Variants in SPTSSA observed in about 807,000 individuals in gnomAD.
The protein encoded by SPTSSA is small subunit of serine palmitoyltransferase A.
In SPTSSA, 8 loss-of-function variants were observed where a neutral mutation model predicts 9.1. The ratio of observed to expected loss-of-function variants is 0.88; its 90% confidence interval spans 0.51 to 1.58. The LOEUF is 1.58. Ranked by LOEUF, SPTSSA falls within the 40% of genes most tolerant of loss-of-function variation. The pLI is 0.00. For missense variants in SPTSSA, 100 were observed against 93.8 expected (o/e 1.07, Z -0.27); for synonymous variants, 42 against 37.7 (o/e 1.11, Z -0.41).
chr14:34,442,876 C>T (rs933515354), intron 1 of SPTSSA, among the ~76,000 whole-genome samples: 1 of 152,042 alleles, frequency 6.6e-6, no homozygotes, highest in African/African-American at 2.4e-5. Flanking sequence ...GTAAAACCGC[C>T]AAGCTTGTAT....
intron 1 of SPTSSA, among the ~76,000 whole-genome samples, chr14:34,447,591 G>A (rs1321216724): frequency 1.3e-5 from 2 of 152,040 alleles, no homozygotes; most frequent in Non-Finnish European, 2.9e-5. Context: ...CCTAAGTTTT[G>A]CTCATACTCT....
chr14:34,453,764 G>T (rs184372429), intron 1 of SPTSSA, among the ~76,000 whole-genome samples: 195 of 152,024 alleles, frequency 1.3e-3, no homozygotes, highest in Middle Eastern at 3.4e-3. Flanking sequence ...CATAACTATT[G>T]ATCATAACTA....
intron 1 of SPTSSA, among the ~76,000 whole-genome samples, chr14:34,448,037 T>G (rs1279792232): frequency 2.0e-5 from 3 of 152,074 alleles, no homozygotes; most frequent in Middle Eastern, 3.4e-3. Flanking sequence ...GGCAGATCAC[T>G]TGAGGTCAGG....
Position 34,455,023 on chromosome 14 carries a change from G to A in SPTSSA, c.112+7073C>T, listed in dbSNP as rs529522675. On this transcript the variant is annotated intron_variant, in intron 1 of 1. Coordinates refer to ENST00000298130, the MANE Select transcript of SPTSSA (RefSeq NM_138288.4). ...AATTGCTTGAACCCAGGAGGCGGAG[G>A]CTACAGTGACCCAAGATTGCGCCAC... Among the ~76,000 whole-genome samples, 8 of 151,636 alleles carry A rather than the reference G, an allele frequency of 5.3e-5. No individual in the cohort carries two copies. In the East Asian group the frequency reaches 1.4e-3, roughly 26 times the overall value.
At chr14:34,438,409 T>C (rs1359583805) in intron 1 of SPTSSA, among the ~76,000 whole-genome samples, 1 of 152,176 alleles carries the variant, frequency 6.6e-6, no homozygotes, top group Admixed American at 6.5e-5. Flanking sequence ...CTCAAAAGTT[T>C]TGGATTTTCG....
At chr14:34,446,836 G>C (rs1347743229) in intron 1 of SPTSSA, among the ~76,000 whole-genome samples, 1 of 152,166 alleles carries the variant, frequency 6.6e-6, no homozygotes, top group African/African-American at 2.4e-5. Flanking sequence ...TGGCTAAACA[G>C]ACATGTATCT....
intron 1 of SPTSSA, among the ~76,000 whole-genome samples, chr14:34,435,909 C>T (rs922791573): frequency 5.9e-5 from 9 of 152,030 alleles, no homozygotes; most frequent in Non-Finnish European, 1.2e-4. Flanking sequence ...GGATTACAGG[C>T]GTGAGCCACT....
chr14:34,458,475 C>T (rs965325668), intron 1 of SPTSSA, among the ~76,000 whole-genome samples: 1 of 151,010 alleles, frequency 6.6e-6, no homozygotes, highest in African/African-American at 2.4e-5. Flanking sequence ...TGAGCTACCG[C>T]GCCAGGCCTA....
intron 1 of SPTSSA, among the ~76,000 whole-genome samples, chr14:34,445,000 G>C (rs934067551): frequency 6.6e-6 from 1 of 151,846 alleles, no homozygotes; most frequent in Non-Finnish European, 1.5e-5. Context: ...GCTGAGGCAT[G>C]AGAATCACTC....
At chr14:34,452,441 A>G (rs79737735) in intron 1 of SPTSSA, among the ~76,000 whole-genome samples, 1,852 of 152,280 alleles carry the variant, frequency 0.012, 39 homozygotes, top group African/African-American at 0.042. Context: ...ACCATCAGAA[A>G]TTAGTGTTTA....
intron 1 of SPTSSA, among the ~76,000 whole-genome samples, chr14:34,460,260 G>A (rs1230924738): frequency 2.0e-5 from 3 of 152,020 alleles, no homozygotes; most frequent in Admixed American, 6.5e-5. Flanking sequence ...ATTCAATAAC[G>A]TGAAATTTGA....
At position 34,435,146 on chromosome 14, in the gene SPTSSA, C is replaced by T; in HGVS notation, c.*55G>A. The T allele has an allele frequency of 1.4e-6, 2 of 1,442,420 alleles. No homozygotes were observed. The highest frequency in any genetic ancestry group is 1.2e-5 in the South Asian group (1 of 83,908). The allele number at this position is 1,442,420 out of a possible 1,614,324, so 89.4% of individuals were successfully genotyped here. On this transcript the variant is annotated 3_prime_UTR_variant, in exon 2 of 2. Coordinates refer to ENST00000298130, the MANE Select transcript of SPTSSA (RefSeq NM_138288.4). ...CTTATCACATCTGATGGTCTCATTC[C>T]AACTTCGTAGGGTGGGTCTTCCCCA...
intron 1 of SPTSSA, 28 bp downstream of exon 1, chr14:34,462,048 GCCCGCGCCCCCAGCCCGGCC>G (rs1566428361): frequency 3.2e-6 from 4 of 1,241,024 alleles, no homozygotes; most frequent in Admixed American, 4.3e-5. Context: ...CGGCCCCGCG[GCCCGCGCCCCCAGCCCGGCC>G]CCCGCGCGCG....
At chr14:34,447,536 G>A (rs2138825988) in intron 1 of SPTSSA, among the ~76,000 whole-genome samples, 1 of 152,308 alleles carries the variant, frequency 6.6e-6, no homozygotes, top group African/African-American at 2.4e-5. Flanking sequence ...ATGATGTGCT[G>A]AGACTGGAAA....
At chr14:34,449,260 T>G (rs1883476342) in intron 1 of SPTSSA, among the ~76,000 whole-genome samples, 1 of 151,864 alleles carries the variant, frequency 6.6e-6, no homozygotes, top group African/African-American at 2.4e-5. Context: ...CCAGGCATGG[T>G]GATATATGCC....
intron 1 of SPTSSA, among the ~76,000 whole-genome samples, chr14:34,451,473 C>T (rs144486676): frequency 0.014 from 2,184 of 152,236 alleles, 14 homozygotes; most frequent in Middle Eastern, 0.034. Flanking sequence ...CCTGTAATCC[C>T]AGCACTTTGG....
chr14:34,442,982 G>GTTT (rs1883345420), intron 1 of SPTSSA, among the ~76,000 whole-genome samples: 1 of 146,988 alleles, frequency 6.8e-6, no homozygotes, highest in South Asian at 2.2e-4. Flanking sequence ...GTGTGTGTGT[G>GTTT]TGAGATGGAG....
At chr14:34,456,765 G>A (rs1277829637) in intron 1 of SPTSSA, among the ~76,000 whole-genome samples, 2 of 151,448 alleles carry the variant, frequency 1.3e-5, no homozygotes, top group Non-Finnish European at 2.9e-5. Context: ...CGGGCGTGGT[G>A]GCACACACCT....
intron 1 of SPTSSA, among the ~76,000 whole-genome samples, chr14:34,461,447 C>G (rs1051490565): frequency 1.3e-5 from 2 of 152,224 alleles, no homozygotes; most frequent in Non-Finnish European, 2.9e-5. Flanking sequence ...GTTTCAAACC[C>G]TACCGACAAC....
Sources: allele counts gnomAD v4.1 joint callset (sites outside exome capture counted in the v4.1 genomes callset), GRCh38; gene constraint gnomAD v4.1.1; transcripts MANE v1.5; gene names NCBI Gene and HGNC (gene_info 2026-07-23, HGNC 2026-07-21).